Variants in COX11 observed in about 807,000 individuals in gnomAD.
The protein encoded by COX11 is cytochrome c oxidase assembly protein COX11, mitochondrial.
COX11 carries 18 observed loss-of-function variants against 29.4 expected under a neutral mutation model. The ratio of observed to expected loss-of-function variants is 0.61; its 90% CI spans 0.42 to 0.91. The LOEUF is 0.91. Among genes scored for constraint, COX11 ranks in the 40% least tolerant of loss-of-function variants. COX11 has a pLI of 0.00. For missense variants in COX11, 312 were observed against 346.0 expected, an observed-to-expected ratio of 0.90 and a Z score of 0.78; for synonymous variants, 131 against 124.0, an observed-to-expected ratio of 1.06 and a Z score of -0.38.
intron 1 of COX11, among the ~76,000 whole-genome samples, chr17:54,967,058 A>ACG (rs1441672922): frequency 1.1e-5 from 1 of 91,214 alleles, no homozygotes; most frequent in African/African-American, 3.2e-5. Flanking sequence ...ACACACACAC[A>ACG]CACACACACA....
chr17:54,959,094 G>T (rs2077039580), downstream of COX11: 1 of 152,172 alleles, frequency 6.6e-6, no homozygotes, highest in South Asian at 2.1e-4. Context: ...GAGGTTTGAG[G>T]AGAGTGAAGA....
chr17:54,963,763 C>T (rs2077172083), intron 2 of COX11, among the ~76,000 whole-genome samples: 1 of 152,028 alleles, frequency 6.6e-6, no homozygotes, highest in Non-Finnish European at 1.5e-5. Flanking sequence ...CCCAACTTTT[C>T]TGTAACACTT....
Position 54,962,764 on chromosome 17 carries a change from C to T in COX11, c.800G>A (p.Gly267Glu). The T allele has an allele frequency of 6.2e-7, 1 of 1,611,842 alleles. No homozygotes were observed. The highest frequency in any genetic ancestry group is 8.5e-7 in the Non-Finnish European group (1 of 1,179,124). ...ATATCCTGGAACTGGCAACTTGTGC[C>T]CTTCCTTTGCTTCAAAAAAAGTGTA... ...LSYTFFEAKEGHKLPVPGYN is the reference protein window; with the variant it reads ...LSYTFFEAKEEHKLPVPGYN The change falls in exon 4 of 4, where the codon GGG (glycine) becomes GAG (glutamate). Residue 267 changes from glycine to glutamate, a missense_variant. Gly to Glu is a moderately conservative substitution (Grantham distance 98, BLOSUM62 -2). Around this residue, in one of 2 missense-constraint regions of COX11, gnomAD observed 182 missense variants for 240.0 expected, o/e 0.76. Coordinates refer to ENST00000299335, the MANE Select transcript of COX11 (RefSeq NM_004375.5).
chr17:54,968,362 G>C lies in COX11; in HGVS notation c.285C>G (p.Thr95=), dbSNP rs764873662. Residue 95 remains threonine (T), a synonymous_variant, in exon 1 of 4, where the codon ACC becomes ACG. Coordinates refer to ENST00000299335, the MANE Select transcript of COX11 (RefSeq NM_004375.5). ...CGGCGACAGCGGCCACGTAAGTGAGGGTCGTCTTGTTCTGCCGCCGCCGCT... is the reference window on the plus strand; with the variant it reads ...CGGCGACAGCGGCCACGTAAGTGAGCGTCGTCTTGTTCTGCCGCCGCCGCT... ...EEERRRQNKT[T]LTYVAAVAVG... The C allele has an allele frequency of 2.5e-6, 4 of 1,612,884 alleles. No individual in the cohort carries two copies. The African/African-American group carries it at 5.3e-5, about 22-fold the overall frequency.
At chr17:54,967,816 G>A (rs898695944) in intron 1 of COX11, among the ~76,000 whole-genome samples, 3 of 152,086 alleles carry the variant, frequency 2.0e-5, no homozygotes, top group African/African-American at 7.2e-5. Context: ...CTCTTTGTAC[G>A]GAGGAACTGC....
downstream of COX11, among the ~76,000 whole-genome samples, chr17:54,959,722 A>G (rs1310551124): frequency 6.6e-6 from 1 of 150,552 alleles, no homozygotes; most frequent in Non-Finnish European, 1.5e-5. Flanking sequence ...GGCTCCAGTG[A>G]TCCTCCGACC....
chr17:54,954,544 G>C (rs1313308896), exon 1 of COX11: 1 of 152,252 alleles, frequency 6.6e-6, no homozygotes, highest in African/African-American at 2.4e-5. Flanking sequence ...GGCAAATACA[G>C]AACGGGCCCT....
At chr17:54,956,247 C>T (rs938531248), downstream of COX11, among the ~76,000 whole-genome samples, 2 of 152,194 alleles carry the variant, frequency 1.3e-5, no homozygotes, top group African/African-American at 4.8e-5. Context: ...CAGGTTGAAG[C>T]AGTCCTCCCT....
At chr17:54,959,248 C>G (rs1343150649), downstream of COX11, 1 of 152,130 alleles carries the variant, frequency 6.6e-6, no homozygotes, top group Non-Finnish European at 1.5e-5. Context: ...CCATGTTTTG[C>G]TATACTGTAT....
rs1044453039 is a variant in COX11, at chr17:54,962,602, A to G, written c.*131T>C. 1 of 1,359,076 alleles carries G rather than the reference A, an allele frequency of 7.4e-7. No individual in the cohort carries two copies. Among genetic ancestry groups the G allele is most frequent in the Non-Finnish European group, 9.5e-7 (1 of 1,050,090 alleles). 84.2% of individuals were successfully genotyped at this position (1,359,076 alleles called of 1,614,324 possible). A position where few individuals can be genotyped will look rare whatever the true frequency, so the allele number is the denominator to read the frequency against. On this transcript the variant is annotated 3_prime_UTR_variant, in exon 4 of 4. Coordinates refer to ENST00000299335, the MANE Select transcript of COX11 (RefSeq NM_004375.5). ...TGTTCTCTCAAGTTTAAGTGAAAAA[A>G]ATTAGTTGAGAAAAAATAATTATTT...
exon 1 of COX11, chr17:54,952,546 CA>C (rs71159275): frequency 0.013 from 1,205 of 90,126 alleles, 17 homozygotes; most frequent in African/African-American, 0.045. Flanking sequence ...GAGACTGTCT[CA>C]AAAAAAAAAA....
At chr17:54,957,933 A>G (rs1238653979), downstream of COX11, 5 of 152,242 alleles carry the variant, frequency 3.3e-5, no homozygotes, top group Admixed American at 6.5e-5. Context: ...AATTTGTGTT[A>G]ATGTTATGAA....
chr17:54,962,588 G>GT lies in COX11; in HGVS notation c.*144dup. ...ATAAAAGCTGAACTTGTTCTCTCAA[G>GT]TTTAAGTGAAAAAAATTAGTTGAGA... On this transcript the variant is annotated 3_prime_UTR_variant, in exon 4 of 4. Coordinates refer to ENST00000299335, the MANE Select transcript of COX11 (RefSeq NM_004375.5). 1.5e-6 allele frequency: 2 copies of GT among 1,350,218 alleles called. No homozygotes were observed. Among genetic ancestry groups the GT allele is most frequent in the East Asian group, 5.7e-5 (2 of 34,904 alleles). 83.6% of individuals were successfully genotyped at this position (1,350,218 alleles called of 1,614,324 possible). A position where few individuals can be genotyped will look rare whatever the true frequency, so the allele number is the denominator to read the frequency against.
chr17:54,965,509 TTA>T (rs2077201475), intron 1 of COX11, among the ~76,000 whole-genome samples: 1 of 152,138 alleles, frequency 6.6e-6, no homozygotes, highest in Non-Finnish European at 1.5e-5. Context: ...TCAAGAGTAT[TTA>T]TGTCTGACAT....
In COX11 at chr17:54,968,385, G is replaced by C. The variant is rs1298006207; in HGVS notation, c.262C>G (p.Arg88Gly). The C allele has an allele frequency of 1.2e-6, 2 of 1,613,024 alleles. No individual in the cohort carries two copies. Among genetic ancestry groups the C allele is most frequent in the African/African-American group, 2.7e-5 (2 of 74,846 alleles). The change falls in exon 1 of 4, where the codon CGG becomes GGG. Residue 88 changes from arginine to glycine, a missense_variant. Physicochemically the swap from Arg to Gly is moderately radical, Grantham distance 125. Transcript: ENST00000299335. ...NPFTRAQEEE[R>G]RRQNKTTLTY... ...AGGGTCGTCTTGTTCTGCCGCCGCC[G>C]CTCCTCCTCCTGCGCGCGTGTGAAA... is the stretch of plus-strand genomic sequence containing the variant.
downstream of COX11, chr17:54,956,616 T>G (rs969664225): frequency 6.6e-6 from 1 of 151,814 alleles, no homozygotes; most frequent in Admixed American, 6.6e-5. Flanking sequence ...GCCTTTTAAT[T>G]TTTTTCTTTT....
chr17:54,956,179 G>A (rs1385152222), downstream of COX11, among the ~76,000 whole-genome samples: 1 of 152,150 alleles, frequency 6.6e-6, no homozygotes, highest in Non-Finnish European at 1.5e-5. Flanking sequence ...GGGTCTCACT[G>A]TGTCACTCAA....
exon 1 of COX11, chr17:54,953,542 C>T (rs576132351): frequency 4.9e-4 from 75 of 152,454 alleles, no homozygotes; most frequent in African/African-American, 1.7e-3. Flanking sequence ...CTCCTTCCCT[C>T]TCTGGGGATG....
Position 54,963,537 on chromosome 17 carries a change from C to A in COX11, c.523-106G>T, listed in dbSNP as rs556462513. 9 of 1,098,634 alleles carry A rather than the reference C, an allele frequency of 8.2e-6. No individual in the cohort carries two copies. The East Asian group carries it at 2.2e-4, about 26-fold the overall frequency. The allele number at this position is 1,098,634 out of a possible 1,614,324, so 68.1% of individuals were successfully genotyped here. ...TTTGCCTATTCATCAGACCATAATA[C>A]CTAATCTAATGTAGGGTTCAGCAAA... is the stretch of plus-strand genomic sequence containing the variant. On this transcript the variant is annotated intron_variant, in intron 2 of 3. Transcript: ENST00000299335.
Sources: allele counts gnomAD v4.1 joint callset (sites outside exome capture counted in the v4.1 genomes callset), GRCh38; gene constraint gnomAD v4.1.1; regional missense constraint gnomAD v4.1.1; transcripts MANE v1.5; gene names NCBI Gene and HGNC (gene_info 2026-07-23, HGNC 2026-07-21).